The following ACOT7 variants were observed in gnomAD, a reference collection of about 807,000 sequenced individuals.
The protein encoded by ACOT7 is cytosolic acyl coenzyme A thioester hydrolase.
A neutral mutation model predicts 40.2 loss-of-function variants in ACOT7; 12 were observed. The observed-to-expected ratio is 0.30, with a 90% confidence interval of 0.19 to 0.48. ACOT7 has a LOEUF of 0.48. ACOT7 is among the 20% of genes least tolerant of loss of function. The pLI, the probability that ACOT7 is intolerant of heterozygous loss-of-function variation, is 0.99. For missense variants in ACOT7, 395 were observed against 530.8 expected, an observed-to-expected ratio of 0.74 and a Z score of 2.51; for synonymous variants, 228 against 219.5, an observed-to-expected ratio of 1.04 and a Z score of -0.34.
chr1:6,368,308 G>A (rs980557098), intron 1 of ACOT7, among the ~76,000 whole-genome samples: 3 of 152,122 alleles, frequency 2.0e-5, no homozygotes, highest in African/African-American at 7.2e-5. Flanking sequence ...ATGCCTGTTG[G>A]TGCCCAAAGT....
rs746127296 is a variant in ACOT7, at chr1:6,281,181, C to T, written c.935G>A (p.Arg312His). The T allele has an allele frequency of 3.1e-6, 5 of 1,614,158 alleles. No homozygotes were observed. Among genetic ancestry groups the T allele is most frequent in the East Asian group, 2.2e-5 (1 of 44,882 alleles). The change falls in exon 8 of 9, where the codon CGC (arginine) becomes CAC (histidine). Residue 312 changes from arginine to histidine, a missense_variant. Around this residue, in one of 2 missense-constraint regions of ACOT7, gnomAD observed 309 missense variants for 470.3 expected, o/e 0.66. Coordinates refer to ENST00000361521, the MANE Select transcript of ACOT7 (RefSeq NM_007274.4). ...ADPVVDSSQK[R>H]YRAASAFFTY... ...GAAGAAGGCACTGGCGGCCCGGTAGCGCTTCTGAGAGCTGTCCACAACAGG... is the reference window on the plus strand; with the variant it reads ...GAAGAAGGCACTGGCGGCCCGGTAGTGCTTCTGAGAGCTGTCCACAACAGG...
At chr1:6,367,166 T>A (rs1420305033) in intron 1 of ACOT7, among the ~76,000 whole-genome samples, 2 of 144,882 alleles carry the variant, frequency 1.4e-5, no homozygotes, top group Non-Finnish European at 3.0e-5. Context: ...ACCACTGCAC[T>A]CCAGCCTGGG....
At chr1:6,335,082 G>A (rs1194886333) in intron 3 of ACOT7, among the ~76,000 whole-genome samples, 1 of 152,134 alleles carries the variant, frequency 6.6e-6, no homozygotes, top group African/African-American at 2.4e-5. Context: ...TGTAATCCCA[G>A]CACTTTGGGA....
At chr1:6,377,056 G>A (rs745956818) in intron 1 of ACOT7, among the ~76,000 whole-genome samples, 10 of 152,090 alleles carry the variant, frequency 6.6e-5, no homozygotes, top group Non-Finnish European at 1.3e-4. Flanking sequence ...CTGTCAGAAT[G>A]GCCTAAACCC....
At chr1:6,356,212 C>A (rs1161933235) in intron 1 of ACOT7, among the ~76,000 whole-genome samples, 1 of 152,136 alleles carries the variant, frequency 6.6e-6, no homozygotes, top group Non-Finnish European at 1.5e-5. Flanking sequence ...GAGACGGGAG[C>A]AGCCTCCCGT....
In ACOT7 at chr1:6,378,782, C is replaced by T. The variant is rs187560174; in HGVS notation, c.143+14475G>A. On this transcript the variant is annotated intron_variant, in intron 1 of 8. Transcript: ENST00000361521. ...GAGGGAAGGAGGACAGAAAGGCTGG[C>T]GAGGGCAGGGGCTGGTGTTCAGCAA... 2.6e-3 allele frequency among the ~76,000 whole-genome samples: 400 copies of T among 151,914 alleles called. 5 individuals are homozygous for T. The highest frequency in any genetic ancestry group is 8.6e-3 in the African/African-American group (357 of 41,508).
rs557305951 is a variant in ACOT7, at chr1:6,309,197, C to T, written c.712+9295G>A. Among the ~76,000 whole-genome samples the T allele has an allele frequency of 3.3e-5, 5 of 152,364 alleles. No homozygotes were observed. In the South Asian group the frequency reaches 1.0e-3, roughly 32 times the overall value. On this transcript the variant is annotated intron_variant, in intron 6 of 8. Transcript: ENST00000361521. ...GTCATGACCTCACACCCACATTCTG[C>T]AAACCAGGTGCCAGGGCAGTGCCCA...
chr1:6,341,827 C>T (rs1409847493), intron 2 of ACOT7, among the ~76,000 whole-genome samples: 2 of 152,184 alleles, frequency 1.3e-5, no homozygotes, highest in Admixed American at 1.3e-4. Context: ...AACAAAAAAG[C>T]CTATGGTGCT....
rs1418961431 is a variant in ACOT7, at chr1:6,393,367, C to G, written c.33G>C (p.Pro11=). MARPGLIHSA[P]GLPDTCALLQ... ...GAAGGGCGCAGGTGTCTGGCAGGCC[C>G]GGCGCGGAATGAATGAGCCCGGGCC... The change falls in exon 1 of 9, where the codon CCG becomes CCC. Residue 11 remains proline (P), a synonymous_variant. Transcript: ENST00000361521. The G allele has an allele frequency of 2.4e-6, 3 of 1,237,442 alleles. No individual in the cohort carries two copies. The highest frequency in any genetic ancestry group is 3.0e-6 in the Non-Finnish European group (3 of 988,704). 76.7% of individuals were successfully genotyped at this position (1,237,442 alleles called of 1,614,324 possible).
chr1:6,264,630 C>T lies in ACOT7; in HGVS notation c.1080G>A (p.Ala360=), dbSNP rs556695044. 6.8e-6 allele frequency: 11 copies of T among 1,613,230 alleles called. No individual in the cohort carries two copies. The highest frequency in any genetic ancestry group is 2.7e-5 in the African/African-American group (2 of 75,066). Reference sequence around the variant, plus strand: ...GAGGCTCCGCGTGGCCCTGTCGCTTCGCCTTCATCTGCAGGTACCGCCCTT... The same window carrying T: ...GAGGCTCCGCGTGGCCCTGTCGCTTTGCCTTCATCTGCAGGTACCGCCCTT... ...EGKGRYLQMK[A]KRQGHAEPQP The change falls in exon 9 of 9, where the codon GCG becomes GCA. Residue 360 remains alanine, a synonymous_variant. Transcript: ENST00000361521.
chr1:6,335,060 G>T (rs1265942232), intron 3 of ACOT7, among the ~76,000 whole-genome samples: 2 of 152,088 alleles, frequency 1.3e-5, no homozygotes, highest in Non-Finnish European at 2.9e-5. Context: ...GCTGGGCACG[G>T]TGGCTCACAC....
At chr1:6,303,300 G>T (rs1005953763) in intron 6 of ACOT7, among the ~76,000 whole-genome samples, 2 of 152,046 alleles carry the variant, frequency 1.3e-5, no homozygotes, top group African/African-American at 4.8e-5. Context: ...GCCGTCCTTG[G>T]AGCTGCATTT....
rs551648150 is a variant in ACOT7, at chr1:6,278,045, T to A, written c.1014+3057A>T. Among the ~76,000 whole-genome samples the A allele has an allele frequency of 1.3e-5, 2 of 151,308 alleles. No individual in the cohort carries two copies. Among genetic ancestry groups the A allele is most frequent in the Non-Finnish European group, 2.9e-5 (2 of 67,844 alleles). On this transcript the variant is annotated intron_variant, in intron 8 of 8. Coordinates refer to ENST00000361521, the MANE Select transcript of ACOT7 (RefSeq NM_007274.4). This position sits in a 1 kb window ranked among gnomAD's most constrained non-coding sequence, Gnocchi z 4.1. ...GGGCAGCCAGGCGCCTGCTCCTGGATATGTGAGCCTGACAGTCCACGCAGC... is the reference window on the plus strand; with the variant it reads ...GGGCAGCCAGGCGCCTGCTCCTGGAAATGTGAGCCTGACAGTCCACGCAGC...
In ACOT7 at chr1:6,269,049, C is replaced by A. The variant is rs371500621; in HGVS notation, c.1015-4354G>T. Among the ~76,000 whole-genome samples the A allele has an allele frequency of 3.3e-5, 5 of 152,296 alleles. No individual in the cohort carries two copies. In the South Asian group the frequency reaches 8.3e-4, roughly 25 times the overall value. ...CCCTGCGCAACCCATGCTTAGGGCG[C>A]GGCAGGCTGTGCACATCAGGGTCTT... is the stretch of plus-strand genomic sequence containing the variant. On this transcript the variant is annotated intron_variant, in intron 8 of 8. Transcript: ENST00000361521.
intron 1 of ACOT7, among the ~76,000 whole-genome samples, chr1:6,385,046 A>C (rs1050287438): frequency 6.6e-6 from 1 of 151,926 alleles, no homozygotes; most frequent in Non-Finnish European, 1.5e-5. Flanking sequence ...GCAGCTCAAC[A>C]CTGCACTGTT....
At chr1:6,370,964 C>T (rs987923177) in intron 1 of ACOT7, among the ~76,000 whole-genome samples, 1 of 151,984 alleles carries the variant, frequency 6.6e-6, no homozygotes, top group Non-Finnish European at 1.5e-5. Flanking sequence ...GCGCCTGCCA[C>T]TGCGCCTGGC....
rs1484031338 is a variant in ACOT7 at position 6,306,086 on chromosome 1, G to C, written c.713-11106C>G. On this transcript the variant is annotated intron_variant, in intron 6 of 8. Transcript: ENST00000361521. This position sits in a 1 kb window ranked among gnomAD's most constrained non-coding sequence, Gnocchi z 4.3. ...CGCCTGCAATCGCAGGCACTCGGCA[G>C]GCTGAGGCAGGAGAATCAGGCAGGG... The C allele has an allele frequency of 9.8e-6, 3 of 306,106 alleles. No individual in the cohort carries two copies. Among genetic ancestry groups the C allele is most frequent in the Non-Finnish European group, 1.4e-5 (3 of 210,018 alleles). 19.0% of individuals were successfully genotyped at this position (306,106 alleles called of 1,614,324 possible).
intron 3 of ACOT7, among the ~76,000 whole-genome samples, chr1:6,337,583 C>T (rs75468880): frequency 0.052 from 7,937 of 152,248 alleles, 248 homozygotes; most frequent in African/African-American, 0.076. Context: ...TACCCCTGAC[C>T]TTTGGCCTGC....
chr1:6,286,481 C>T (rs1027363658), intron 7 of ACOT7, among the ~76,000 whole-genome samples: 8 of 152,164 alleles, frequency 5.3e-5, no homozygotes, highest in Non-Finnish European at 7.4e-5. Flanking sequence ...GGCCAGTCTC[C>T]GGAGGCTACG....
Sources: allele counts gnomAD v4.1 joint callset (sites outside exome capture counted in the v4.1 genomes callset), GRCh38; gene constraint gnomAD v4.1.1; regional missense constraint gnomAD v4.1.1; non-coding constraint Gnocchi (gnomAD v3.1); transcripts MANE v1.5; gene names NCBI Gene and HGNC (gene_info 2026-07-23, HGNC 2026-07-21).